FBXO7: variants seen among roughly 807,000 people sequenced by gnomAD.
The protein encoded by FBXO7 is F-box only protein 7.
A neutral mutation model predicts 50.2 loss-of-function variants in FBXO7; 31 were observed. The ratio of observed to expected loss-of-function variants is 0.62; its 90% CI spans 0.46 to 0.83. FBXO7 has a LOEUF of 0.83. Among genes scored for constraint, FBXO7 ranks in the 40% least tolerant of loss-of-function variants. The pLI is 0.00. For synonymous variants in FBXO7, 256 were observed against 253.1 expected, an observed-to-expected ratio of 1.01 and a Z score of -0.11; for missense variants, 667 against 646.6, an observed-to-expected ratio of 1.03 and a Z score of -0.34.
intron 6 of FBXO7, 69 bp downstream of exon 6, chr22:32,491,250 T>G: frequency 8.6e-7 from 1 of 1,167,836 alleles, no homozygotes; most frequent in South Asian, 1.2e-5. Flanking sequence ...ATATTCTTGG[T>G]GAGTATGACA....
rs1233579535 is a variant in FBXO7, at chr22:32,498,235, A to G, written c.1274A>G (p.Tyr425Cys). 7 of 1,614,190 alleles carry G rather than the reference A, an allele frequency of 4.3e-6. No individual in the cohort carries two copies. The highest frequency in any genetic ancestry group is 1.6e-4 in the Middle Eastern group (1 of 6,062). ...TCGTCAACTCACACCATTCCATTCT[A>G]TCCCAACCCCTTGCACCCTAGGCCA... ...LPSSTHTIPF[Y>C]PNPLHPRPFP... The change falls in exon 9 of 9, where the codon TAT (tyrosine) becomes TGT (cysteine). Residue 425 changes from tyrosine (Y) to cysteine (C), a missense_variant. By Grantham distance (194) the Tyr-to-Cys change is radical (BLOSUM62 -2). Coordinates refer to ENST00000266087, the MANE Select transcript of FBXO7 (RefSeq NM_012179.4).
chr22:32,491,880 T>A (rs905481743), intron 6 of FBXO7: 1 of 152,154 alleles, frequency 6.6e-6, no homozygotes, highest in African/African-American at 2.4e-5. Context: ...TGTCTTACAG[T>A]GAAATTTACT....
rs757763856 is a variant in FBXO7 at position 32,475,514 on chromosome 22, C to T, written c.122+390C>T. ...ATGATGAGCTTGGCTTGGGTTAAACCTTTCTGGACTGTGAGGGGTCCGAGT... is the reference window on the plus strand; with the variant it reads ...ATGATGAGCTTGGCTTGGGTTAAACTTTTCTGGACTGTGAGGGGTCCGAGT... On this transcript the variant is annotated intron_variant, in intron 1 of 8. Transcript: ENST00000266087. 1.6e-5 allele frequency: 21 copies of T among 1,291,630 alleles called. No individual in the cohort carries two copies. In the Admixed American group the frequency reaches 3.4e-4, roughly 21 times the overall value. 80.0% of individuals were successfully genotyped at this position (1,291,630 alleles called of 1,614,324 possible). A position where few individuals can be genotyped will look rare whatever the true frequency, so the allele number is the denominator to read the frequency against.
chr22:32,495,448 G>T (rs143072412), intron 7 of FBXO7, 45 bp from the exon 8 acceptor site: 4 of 1,344,976 alleles, frequency 3.0e-6, no homozygotes, highest in Non-Finnish European at 4.3e-6. Context: ...AATGCAGGAC[G>T]AATGAAATGT....
chr22:32,493,671 T>C (rs1254334390), intron 7 of FBXO7, among the ~76,000 whole-genome samples: 1 of 152,212 alleles, frequency 6.6e-6, no homozygotes, highest in Non-Finnish European at 1.5e-5. Context: ...AGGGTAGCTT[T>C]ATTTCTGTAT....
intron 1 of FBXO7, 55 bp downstream of exon 1, chr22:32,475,179 G>A: frequency 6.6e-7 from 1 of 1,516,406 alleles, no homozygotes. Flanking sequence ...GCTTGGGGTG[G>A]GTGCAGGGCG....
At chr22:32,481,149 C>T (rs1241918350) in intron 2 of FBXO7, among the ~76,000 whole-genome samples, 1 of 152,006 alleles carries the variant, frequency 6.6e-6, no homozygotes, top group Admixed American at 6.6e-5. Flanking sequence ...TAAGTATAGA[C>T]ATATTAAAAA....
intron 1 of FBXO7, 97 bp from the exon 2 acceptor site, chr22:32,478,884 C>A (rs2057445112): frequency 8.5e-7 from 1 of 1,183,144 alleles, no homozygotes. Context: ...CTTAGTTCTT[C>A]TAGGGTCATA....
At chr22:32,477,633 A>G (rs550628408) in intron 1 of FBXO7, among the ~76,000 whole-genome samples, 3 of 152,314 alleles carry the variant, frequency 2.0e-5, no homozygotes, top group African/African-American at 7.2e-5. Flanking sequence ...TCAGTAAGAG[A>G]GATGAATTTA....
chr22:32,475,947 A>G (rs1279734781), intron 1 of FBXO7: 2 of 152,344 alleles, frequency 1.3e-5, no homozygotes, highest in Non-Finnish European at 2.9e-5. Context: ...ATTTGGGAGT[A>G]AAGCGGCAAG....
In FBXO7 at chr22:32,485,225, A is replaced by C; in HGVS notation, c.787+16A>C. Reference sequence around the variant, plus strand: ...GTTGTAAATGGTAATTGGATAGCATAGTCATGGTTGCTGGTTTATGGATTC... The same window carrying C: ...GTTGTAAATGGTAATTGGATAGCATCGTCATGGTTGCTGGTTTATGGATTC... On this transcript the variant is annotated intron_variant, in intron 4 of 8. Coordinates refer to ENST00000266087, the MANE Select transcript of FBXO7 (RefSeq NM_012179.4). 1 of 1,614,066 alleles carries C rather than the reference A, an allele frequency of 6.2e-7. No individual in the cohort carries two copies. The highest frequency in any genetic ancestry group is 8.5e-7 in the Non-Finnish European group (1 of 1,179,956).
At chr22:32,491,032 G>A (rs900833984) in intron 5 of FBXO7, 54 bp from the exon 6 acceptor site, 65 of 1,221,462 alleles carry the variant, frequency 5.3e-5, no homozygotes, top group Admixed American at 2.5e-4. Flanking sequence ...AGAAATAGAG[G>A]ACAGTTTTTT....
At chr22:32,496,532 C>G (rs886557685) in intron 8 of FBXO7, among the ~76,000 whole-genome samples, 1 of 152,130 alleles carries the variant, frequency 6.6e-6, no homozygotes, top group Admixed American at 6.5e-5. Context: ...AAATCTGTGC[C>G]TTTGCTCTGT....
At chr22:32,488,134 T>C (rs1337792122) in intron 5 of FBXO7, 1 of 285,860 alleles carries the variant, frequency 3.5e-6, no homozygotes, top group African/African-American at 2.2e-5. Context: ...TACTAATCTT[T>C]GGAGATCTCC....
chr22:32,475,403 G>A, intron 1 of FBXO7: 6 of 1,611,264 alleles, frequency 3.7e-6, no homozygotes, highest in Non-Finnish European at 5.1e-6. Flanking sequence ...TCCTCGGTGA[G>A]TCATGGCTTC....
intron 4 of FBXO7, among the ~76,000 whole-genome samples, chr22:32,486,512 T>G (rs1000321900): frequency 5.3e-5 from 8 of 152,084 alleles, no homozygotes; most frequent in African/African-American, 1.9e-4. Context: ...TTTATTTTAT[T>G]TTTTGTAGAG....
intron 6 of FBXO7, 85 bp downstream of exon 6, chr22:32,491,266 C>A: frequency 1.0e-6 from 1 of 993,658 alleles, no homozygotes. Context: ...TGACATCTGA[C>A]TGCCCTCTTT....
At position 32,498,396 on chromosome 22, in the gene FBXO7, A is replaced by G; in HGVS notation, c.1435A>G (p.Arg479Gly). The G allele has an allele frequency of 1.9e-6, 3 of 1,614,188 alleles. No individual in the cohort carries two copies. Among genetic ancestry groups the G allele is most frequent in the South Asian group, 2.2e-5 (2 of 91,086 alleles). Residue 479 changes from arginine to glycine, a missense_variant, in exon 9 of 9, where the codon AGA (arginine) becomes GGA (glycine). Arg to Gly is a moderately radical substitution (Grantham distance 125). Transcript: ENST00000266087. ...GETPSQFPPL[R>G]PRFDPVGPLP... is the part of the protein sequence containing the mutation. ...GACGCCCAGCCAGTTTCCTCCACTG[A>G]GACCACGCTTTGATCCAGTTGGCCC...
At position 32,487,571 on chromosome 22, in the gene FBXO7, CA is replaced by C. The variant is rs1424679938; in HGVS notation, c.788-173del. On this transcript the variant is annotated intron_variant, in intron 4 of 8. Transcript: ENST00000266087. ...AGAGTGATTTTACTTCATGTGATGC[CA>C]GGTTTACACTTTTGAACTTGCTATC... The C allele has an allele frequency of 3.3e-5, 19 of 568,294 alleles. No individual in the cohort carries two copies. In the East Asian group the frequency reaches 5.7e-4, roughly 17 times the overall value. 35.2% of individuals were successfully genotyped at this position (568,294 alleles called of 1,614,324 possible).
Sources: gnomAD v4.1 joint callset for allele counts (sites outside exome capture counted in the v4.1 genomes callset) on GRCh38, gnomAD v4.1.1 for gene constraint, MANE v1.5 for transcripts, NCBI Gene and HGNC (gene_info 2026-07-23, HGNC 2026-07-21) for gene names.